The following ITPRID2 variants were observed in gnomAD, a reference collection of about 807,000 sequenced individuals.
The protein encoded by ITPRID2 is ITPR interacting domain containing 2, also known as protein ITPRID2.
ITPRID2 carries 60 observed loss-of-function variants against 124.3 expected under a neutral mutation model. The observed-to-expected ratio is 0.48, with a 90% CI of 0.39 to 0.60. ITPRID2 has a LOEUF of 0.60. Among genes scored for constraint, ITPRID2 ranks in the 20% least tolerant of loss-of-function variants. The pLI, the probability that ITPRID2 is intolerant of heterozygous loss-of-function variation, is 0.00. For synonymous variants in ITPRID2, 521 were observed against 542.9 expected (o/e 0.96, Z 0.56); for missense variants, 1,553 against 1,512.2 (o/e 1.03, Z -0.45).
chr2:181,904,242 A>C (rs1692911537), intron 8 of ITPRID2, among the ~76,000 whole-genome samples: 1 of 151,720 alleles, frequency 6.6e-6, no homozygotes, highest in Admixed American at 6.6e-5. Context: ...ACTGGCAAAA[A>C]AGGTTAATGA....
intron 15 of ITPRID2, among the ~76,000 whole-genome samples, 193 bp downstream of exon 15, chr2:181,920,855 A>G (rs1694429293): frequency 6.6e-6 from 1 of 152,202 alleles, no homozygotes; most frequent in Non-Finnish European, 1.5e-5. Context: ...CTGAATTGCA[A>G]TAGTGATTTA....
At chr2:181,929,428 A>G in intron 17 of ITPRID2, 133 bp from the exon 18 acceptor site, 2 of 496,480 alleles carry the variant, frequency 4.0e-6, no homozygotes, top group South Asian at 4.1e-5. Context: ...TCTCAGGAAG[A>G]TGTATAGAGA....
chr2:181,916,582 C>T, intron 11 of ITPRID2, 155 bp downstream of exon 11: 1 of 1,011,850 alleles, frequency 9.9e-7, no homozygotes, highest in Non-Finnish European at 1.4e-6. Context: ...CGTTTTCTAT[C>T]TTCCCTCCTG....
Position 181,902,544 on chromosome 2 carries a change from G to T in ITPRID2, c.1413+78G>T. Reference sequence around the variant, plus strand: ...TACCAAAAATGCTTATAAAATGAGAGGTAGCTAATAGATTTATACTAGAAA... The same window carrying T: ...TACCAAAAATGCTTATAAAATGAGATGTAGCTAATAGATTTATACTAGAAA... On this transcript the variant is annotated intron_variant, in intron 8 of 17. Transcript: ENST00000431877. The surrounding 1 kb of genome is among the most constrained non-coding windows in gnomAD (Gnocchi z 4.4). The T allele has an allele frequency of 1.9e-6, 2 of 1,067,966 alleles. No individual in the cohort carries two copies. Among genetic ancestry groups the T allele is most frequent in the African/African-American group, 1.6e-5 (1 of 61,902 alleles). 66.2% of individuals were successfully genotyped at this position (1,067,966 alleles called of 1,614,324 possible). A position where few individuals can be genotyped will look rare whatever the true frequency, so the allele number is the denominator to read the frequency against.
intron 8 of ITPRID2, 121 bp from the exon 9 acceptor site, chr2:181,909,778 A>C: frequency 4.0e-5 from 21 of 528,650 alleles, no homozygotes; most frequent in East Asian, 1.4e-4. Flanking sequence ...AAGTTTGAAT[A>C]TATATATAAT....
At position 181,922,254 on chromosome 2, in the gene ITPRID2, G is replaced by C; in HGVS notation, c.3517G>C (p.Glu1173Gln). ...CTCTGTGCAGACACCTCCAGATTTG[G>C]AAAGTTCTGAGGAAGTTGATGCAGC... is the stretch of plus-strand genomic sequence containing the variant. ...TGSVQTPPDL[E>Q]SSEEVDAAEG... Residue 1173 changes from glutamate (E) to glutamine (Q), a missense_variant, in exon 16 of 18, where the codon GAA (glutamate) becomes CAA (glutamine). By Grantham distance (29) the Glu-to-Gln change is conservative. Transcript: ENST00000431877. 1 of 1,614,216 alleles carries C rather than the reference G, an allele frequency of 6.2e-7. No individual in the cohort carries two copies. Among genetic ancestry groups the C allele is most frequent in the East Asian group, 2.2e-5 (1 of 44,886 alleles).
Position 181,919,442 on chromosome 2 carries a change from T to C in ITPRID2, c.3140T>C (p.Leu1047Pro), listed in dbSNP as rs767828471. 9.5e-6 allele frequency: 15 copies of C among 1,580,340 alleles called. No individual in the cohort carries two copies. The East Asian group carries it at 3.2e-4, about 33-fold the overall frequency. ...RMPSPFRSSA[L>P]MGMCGSRSAD... is the part of the protein sequence containing the mutation. ...CCTTCACCCTTCCGCTCCTCCGCACTCATGGTACGCTACCTGGAGGGTGGT... is the reference window on the plus strand; with the variant it reads ...CCTTCACCCTTCCGCTCCTCCGCACCCATGGTACGCTACCTGGAGGGTGGT... The change falls in exon 14 of 18, where the codon CTC becomes CCC. Residue 1047 changes from leucine to proline, a missense_variant. Coordinates refer to ENST00000431877, the MANE Select transcript of ITPRID2 (RefSeq NM_001130445.3). This position sits in a 1 kb window ranked among gnomAD's most constrained non-coding sequence, Gnocchi z 4.2.
chr2:181,914,030 T>G (rs1693835766), intron 10 of ITPRID2, 97 bp downstream of exon 10: 1 of 747,734 alleles, frequency 1.3e-6, no homozygotes. Context: ...CTGTATAATC[T>G]TTATTTTTCA....
At chr2:181,895,178 C>T (rs1378364297) in intron 2 of ITPRID2, among the ~76,000 whole-genome samples, 2 of 151,920 alleles carry the variant, frequency 1.3e-5, no homozygotes, top group Admixed American at 6.6e-5. Context: ...TCCCATGTCT[C>T]GTGAATTTTT....
Position 181,901,904 on chromosome 2 carries a change from C to T in ITPRID2, c.851C>T (p.Pro284Leu), listed in dbSNP as rs1180854693. ...TCTAACAAGGAGACAGACCCACCTC[C>T]ACCTTTAACTCGAAGTAACACTGCA... ...VTSNKETDPP[P>L]PLTRSNTANR... The change falls in exon 8 of 18, where the codon CCA becomes CTA. Residue 284 changes from proline to leucine, a missense_variant. Pro to Leu is a moderately conservative substitution (Grantham distance 98). Coordinates refer to ENST00000431877, the MANE Select transcript of ITPRID2 (RefSeq NM_001130445.3). The T allele has an allele frequency of 2.5e-6, 4 of 1,613,766 alleles. No homozygotes were observed. Among genetic ancestry groups the T allele is most frequent in the Non-Finnish European group, 3.4e-6 (4 of 1,179,892 alleles).
chr2:181,929,770 T>G lies in ITPRID2; in HGVS notation c.*223T>G. ...TTCTTTTCTAAACTATCAAAAACTC[T>G]AGCAGTTTGAAAAGCCTAATATTTA... On this transcript the variant is annotated 3_prime_UTR_variant, in exon 18 of 18. Transcript: ENST00000431877. The G allele has an allele frequency of 1.7e-6, 1 of 592,362 alleles. No individual in the cohort carries two copies. Among genetic ancestry groups the G allele is most frequent in the Non-Finnish European group, 2.8e-6 (1 of 362,490 alleles). 36.7% of individuals were successfully genotyped at this position (592,362 alleles called of 1,614,324 possible). A position where few individuals can be genotyped will look rare whatever the true frequency, so the allele number is the denominator to read the frequency against.
intron 5 of ITPRID2, 32 bp from the exon 6 acceptor site, chr2:181,898,982 T>G: frequency 6.3e-7 from 1 of 1,597,762 alleles, no homozygotes; most frequent in Non-Finnish European, 8.6e-7. Context: ...AATAAAGTTA[T>G]AAAGTTTTAT....
Position 181,900,754 on chromosome 2 carries a change from G to A in ITPRID2, c.562G>A (p.Gly188Arg). The change falls in exon 7 of 18, where the codon GGA (glycine) becomes AGA (arginine). Residue 188 changes from glycine (G) to arginine (R), a missense_variant. Transcript: ENST00000431877. ...TCCTGAAGAAATTCTTTATAATCTT[G>A]GATTTGGACGTGATGAACCAGATAT... ...EDPEEILYNL[G>R]FGRDEPDIAS... 1 of 1,612,694 alleles carries A rather than the reference G, an allele frequency of 6.2e-7. No individual in the cohort carries two copies. The highest frequency in any genetic ancestry group is 8.5e-7 in the Non-Finnish European group (1 of 1,179,428).
chr2:181,916,546 G>T, intron 11 of ITPRID2, 119 bp downstream of exon 11: 1 of 1,277,128 alleles, frequency 7.8e-7, no homozygotes, highest in Non-Finnish European at 1.1e-6. Flanking sequence ...TTTCTGACAT[G>T]TCTAAACTTA....
In ITPRID2 at chr2:181,905,300, C is replaced by G. The variant is rs112156648; in HGVS notation, c.1413+2834C>G. On this transcript the variant is annotated intron_variant, in intron 8 of 17. Coordinates refer to ENST00000431877, the MANE Select transcript of ITPRID2 (RefSeq NM_001130445.3). This position sits in a 1 kb window ranked among gnomAD's most constrained non-coding sequence, Gnocchi z 4.1. ...TCCTGACCTCGTGATCTGACCACCT[C>G]GGCCTCCCAAAATGCTGGGATTACA... 6.6e-6 allele frequency among the ~76,000 whole-genome samples: 1 copy of G among 152,022 alleles called. No homozygotes were observed. The highest frequency in any genetic ancestry group is 1.5e-5 in the Non-Finnish European group (1 of 67,994).
At chr2:181,911,726 A>G (rs1693622465) in intron 9 of ITPRID2, among the ~76,000 whole-genome samples, 1 of 152,208 alleles carries the variant, frequency 6.6e-6, no homozygotes, top group African/African-American at 2.4e-5. Flanking sequence ...AAGAACCTAG[A>G]TTGTGATTTA....
chr2:181,927,249 G>A (rs1694930694), intron 16 of ITPRID2, among the ~76,000 whole-genome samples: 1 of 152,174 alleles, frequency 6.6e-6, no homozygotes, highest in Admixed American at 6.5e-5. Context: ...CAGGAAACTG[G>A]AAATGTAGAA....
At position 181,922,273 on chromosome 2, in the gene ITPRID2, A is replaced by G. The variant is rs1256907856; in HGVS notation, c.3536A>G (p.Asp1179Gly). The G allele has an allele frequency of 6.2e-7, 1 of 1,614,242 alleles. No homozygotes were observed. The highest frequency in any genetic ancestry group is 1.7e-5 in the Admixed American group (1 of 60,028). Residue 1179 changes from aspartate (D) to glycine (G), a missense_variant, in exon 16 of 18, where the codon GAT (aspartate) becomes GGT (glycine). Asp to Gly is a moderately conservative substitution (Grantham distance 94). Coordinates refer to ENST00000431877, the MANE Select transcript of ITPRID2 (RefSeq NM_001130445.3). Reference sequence around the variant, plus strand: ...GATTTGGAAAGTTCTGAGGAAGTTGATGCAGCTGAAGGAGCCCCAGAAGTT... The same window carrying G: ...GATTTGGAAAGTTCTGAGGAAGTTGGTGCAGCTGAAGGAGCCCCAGAAGTT... ...PPDLESSEEV[D>G]AAEGAPEVVG...
chr2:181,891,878 C>T lies in ITPRID2; in HGVS notation c.-189C>T. 2.8e-6 allele frequency: 1 copy of T among 357,086 alleles called. No homozygotes were observed. Among genetic ancestry groups the T allele is most frequent in the South Asian group, 2.4e-5 (1 of 41,418 alleles). The allele number at this position is 357,086 out of a possible 1,614,324, so 22.1% of individuals were successfully genotyped here. ...GCCTTCATGTGAAGCGCCGGCCCTCCGCCCCTTCCCTCCCCTTCCTTCCCT... is the reference window on the plus strand; with the variant it reads ...GCCTTCATGTGAAGCGCCGGCCCTCTGCCCCTTCCCTCCCCTTCCTTCCCT... On this transcript the variant is annotated 5_prime_UTR_variant, in exon 1 of 18. Coordinates refer to ENST00000431877, the MANE Select transcript of ITPRID2 (RefSeq NM_001130445.3).
Sources: allele counts gnomAD v4.1 joint callset (sites outside exome capture counted in the v4.1 genomes callset), GRCh38; gene constraint gnomAD v4.1.1; non-coding constraint Gnocchi (gnomAD v3.1); transcripts MANE v1.5; gene names NCBI Gene and HGNC (gene_info 2026-07-23, HGNC 2026-07-21).